The following ZSCAN18 variants were observed in gnomAD, a reference collection of about 807,000 sequenced individuals.
The protein encoded by ZSCAN18 is zinc finger and SCAN domain-containing protein 18.
ZSCAN18 carries 16 observed loss-of-function variants against 31.1 expected under a neutral mutation model. The observed-to-expected ratio is 0.51, with a 90% confidence interval of 0.35 to 0.78. The LOEUF (loss-of-function observed/expected upper bound fraction) is 0.78, where lower values mean the gene tolerates loss of function less well. ZSCAN18 is among the 30% of genes least tolerant of loss of function. The pLI, the probability that ZSCAN18 is intolerant of heterozygous loss-of-function variation, is 0.01. For missense variants in ZSCAN18, 731 were observed against 697.4 expected (o/e 1.05, Z -0.54); for synonymous variants, 375 against 320.7 (o/e 1.17, Z -1.81).
chr19:58,098,074 C>T, intron 1 of ZSCAN18, 100 bp downstream of exon 1: 1 of 985,662 alleles, frequency 1.0e-6, no homozygotes, highest in Non-Finnish European at 1.2e-6. Context: ...CGGGAACACC[C>T]TGGCCCCTTT....
chr19:58,117,314 G>A (rs2074738303), intron 1 of ZSCAN18, among the ~76,000 whole-genome samples: 1 of 152,076 alleles, frequency 6.6e-6, no homozygotes, highest in South Asian at 2.1e-4. Context: ...CCTGTCCCTG[G>A]GGGTCAGCAT....
intron 1 of ZSCAN18, among the ~76,000 whole-genome samples, chr19:58,105,942 G>A (rs1383785466): frequency 6.6e-6 from 1 of 152,070 alleles, no homozygotes; most frequent in Non-Finnish European, 1.5e-5. Context: ...TCGCGCCACT[G>A]CACTCTAGCC....
At chr19:58,114,514 T>C (rs1600018142) in intron 1 of ZSCAN18, among the ~76,000 whole-genome samples, 1 of 140,402 alleles carries the variant, frequency 7.1e-6, no homozygotes. Context: ...CATGCACACA[T>C]AATACATATA....
At chr19:58,095,617 G>A (rs572095553) in intron 1 of ZSCAN18, among the ~76,000 whole-genome samples, 3 of 152,296 alleles carry the variant, frequency 2.0e-5, no homozygotes, top group East Asian at 3.9e-4. Context: ...GAGGCATCGG[G>A]GTCTAGGTAG....
intron 3 of ZSCAN18, 51 bp downstream of exon 3, chr19:58,088,637 A>G: frequency 6.3e-7 from 1 of 1,583,794 alleles, no homozygotes; most frequent in South Asian, 1.1e-5. Flanking sequence ...GCCTCTGCCC[A>G]ACACCCCACC....
At position 58,107,864 on chromosome 19, in the gene ZSCAN18, C is replaced by T. The variant is rs906752808; in HGVS notation, c.130+10403G>A. 10 of 1,051,636 alleles carry T rather than the reference C, an allele frequency of 9.5e-6. No homozygotes were observed. The African/African-American group carries it at 1.5e-4, about 16-fold the overall frequency. The allele number at this position is 1,051,636 out of a possible 1,614,324, so 65.1% of individuals were successfully genotyped here. A position where few individuals can be genotyped will look rare whatever the true frequency, so the allele number is the denominator to read the frequency against. On this transcript the variant is annotated intron_variant, in intron 1 of 1. Coordinates refer to the ZSCAN18 transcript ENST00000595721. ...GGCACAAGGTCGCCTGAGCATGTAC[C>T]TTCTTGTGCTTGGTCAGACAGGAGC...
At chr19:58,104,585 C>T (rs1166131568) in intron 1 of ZSCAN18, among the ~76,000 whole-genome samples, 3 of 151,846 alleles carry the variant, frequency 2.0e-5, no homozygotes, top group African/African-American at 7.3e-5. Flanking sequence ...GCCTGTAATC[C>T]CTGCTACTCA....
chr19:58,107,941 T>C, intron 1 of ZSCAN18: 1 of 1,073,940 alleles, frequency 9.3e-7, no homozygotes, highest in Non-Finnish European at 1.1e-6. Context: ...TTCTCACCAG[T>C]ATGAGTCCTC....
intron 4 of ZSCAN18, 34 bp from the exon 5 acceptor site, chr19:58,087,042 T>A: frequency 6.5e-7 from 1 of 1,545,806 alleles, no homozygotes; most frequent in Non-Finnish European, 8.8e-7. Flanking sequence ...ACCTCCCACC[T>A]GCCCTAGAGA....
chr19:58,108,971 T>TA (rs2074657492), intron 1 of ZSCAN18: 1 of 1,152,832 alleles, frequency 8.7e-7, no homozygotes, highest in Non-Finnish European at 1.1e-6. Context: ...TGTATGTAAC[T>TA]AAAATGTTTA....
chr19:58,115,788 CTT>C (rs2074724447), intron 1 of ZSCAN18, among the ~76,000 whole-genome samples: 1 of 152,152 alleles, frequency 6.6e-6, no homozygotes, highest in South Asian at 2.1e-4. Context: ...TTTCATCAAA[CTT>C]TTGTTACAGT....
chr19:58,092,622 T>A, intron 1 of ZSCAN18: 8 of 625,832 alleles, frequency 1.3e-5, no homozygotes, highest in African/African-American at 4.1e-5. Flanking sequence ...GAGAGTCAAC[T>A]ATCAACCTCT....
intron 1 of ZSCAN18, among the ~76,000 whole-genome samples, chr19:58,106,741 A>G (rs1451590241): frequency 1.7e-5 from 1 of 58,460 alleles, no homozygotes; most frequent in African/African-American, 4.3e-5. Context: ...AAGAAAGAAA[A>G]AAAGACATCT....
upstream of ZSCAN18, among the ~76,000 whole-genome samples, chr19:58,100,570 C>T (rs1263270680): frequency 1.3e-5 from 2 of 152,132 alleles, no homozygotes; most frequent in East Asian, 3.9e-4. Flanking sequence ...CTATTATTCA[C>T]AAAATTCCAA....
intron 3 of ZSCAN18, chr19:58,087,698 A>C (rs2074312340): frequency 6.5e-6 from 2 of 307,820 alleles, no homozygotes; most frequent in Non-Finnish European, 1.2e-5. Context: ...CCTAGGCTGG[A>C]GTGCAGTGGC....
At chr19:58,095,146 G>A (rs533261603) in intron 1 of ZSCAN18, among the ~76,000 whole-genome samples, 7 of 152,256 alleles carry the variant, frequency 4.6e-5, no homozygotes, top group South Asian at 2.1e-4. Context: ...GAGGCGTGAC[G>A]CCAGCTCTAC....
chr19:58,098,015 C>T, intron 1 of ZSCAN18, 159 bp downstream of exon 1: 1 of 985,728 alleles, frequency 1.0e-6, no homozygotes. Flanking sequence ...CGAAGGGATG[C>T]CAGACCCTCG....
intron 1 of ZSCAN18, among the ~76,000 whole-genome samples, chr19:58,094,083 T>G (rs976923811): frequency 3.3e-5 from 5 of 151,938 alleles, no homozygotes; most frequent in African/African-American, 1.2e-4. Flanking sequence ...TTTTTTAAAT[T>G]GGACTTCGGA....
At chr19:58,106,320 T>C (rs1317494705) in intron 1 of ZSCAN18, among the ~76,000 whole-genome samples, 2 of 152,140 alleles carry the variant, frequency 1.3e-5, no homozygotes. Context: ...AGAGGACAAC[T>C]TGAGCCTAGA....
Sources: gnomAD v4.1 joint callset for allele counts (sites outside exome capture counted in the v4.1 genomes callset) on GRCh38, gnomAD v4.1.1 for gene constraint, MANE v1.5 for transcripts, NCBI Gene and HGNC (gene_info 2026-07-23, HGNC 2026-07-21) for gene names.